The following GPA33 variants were observed in gnomAD, a reference collection of about 807,000 sequenced individuals.
GPA33 encodes the protein cell surface A33 antigen.
Under a neutral mutation model 35.6 loss-of-function variants are expected in GPA33, and 27 were observed. The ratio of observed to expected loss-of-function variants is 0.76; its 90% CI spans 0.56 to 1.04. The LOEUF is 1.04. GPA33 is among the 50% of genes least tolerant of loss of function. GPA33 has a pLI of 0.00. For synonymous variants in GPA33, 176 were observed against 164.0 expected (o/e 1.07, Z -0.56); for missense variants, 428 against 411.9 (o/e 1.04, Z -0.34).
chr1:167,056,521 C>T (rs565949388), intron 4 of GPA33, among the ~76,000 whole-genome samples: 40 of 44,984 alleles, frequency 8.9e-4, no homozygotes, highest in Non-Finnish European at 1.7e-3. Context: ...TGATGTGCAG[C>T]GTGTGTGTGC....
rs574694107 is a variant in GPA33, at chr1:167,065,762, G to A, written c.416-2025C>T. Among the ~76,000 whole-genome samples, 9 of 152,254 alleles carry A rather than the reference G, an allele frequency of 5.9e-5. No homozygotes were observed. The South Asian group carries it at 1.5e-3, about 25-fold the overall frequency. ...AGTGAGGGCTGGCCAGGTGTGGGGC[G>A]AGCATGAGGGAAATTAGAGGCCCTC... On this transcript the variant is annotated intron_variant, in intron 3 of 6. Coordinates refer to ENST00000367868, the MANE Select transcript of GPA33 (RefSeq NM_005814.3).
At chr1:167,080,798 T>A (rs924967393) in intron 1 of GPA33, among the ~76,000 whole-genome samples, 2 of 152,226 alleles carry the variant, frequency 1.3e-5, no homozygotes, top group African/African-American at 4.8e-5. Context: ...TTCATCTTCA[T>A]ATCCCTAGAG....
At chr1:167,057,595 C>A (rs4657625) in intron 4 of GPA33, among the ~76,000 whole-genome samples, 2 of 151,980 alleles carry the variant, frequency 1.3e-5, no homozygotes, top group Non-Finnish European at 2.9e-5. Context: ...ACCAGCTTTG[C>A]CTCTTGCCAC....
intron 5 of GPA33, 34 bp from the exon 6 acceptor site, chr1:167,055,145 C>G: frequency 6.2e-7 from 1 of 1,607,430 alleles, no homozygotes; most frequent in Non-Finnish European, 8.5e-7. Flanking sequence ...ACTTGCCGAG[C>G]TTCTAAGCTA....
chr1:167,083,284 G>A (rs1002833093), intron 1 of GPA33, among the ~76,000 whole-genome samples: 1 of 152,224 alleles, frequency 6.6e-6, no homozygotes. Flanking sequence ...AGGAATGTGA[G>A]ACAGGAACAT....
intron 1 of GPA33, among the ~76,000 whole-genome samples, chr1:167,083,270 G>A (rs547520592): frequency 4.2e-4 from 64 of 152,270 alleles, no homozygotes; most frequent in African/African-American, 1.5e-3. Context: ...ATCAAACCCA[G>A]GAAAGGAATG....
At position 167,077,118 on chromosome 1, in the gene GPA33, AT is replaced by A. The variant is rs1450301169; in HGVS notation, c.44-3580del. 2.0e-5 allele frequency among the ~76,000 whole-genome samples: 3 copies of A among 152,238 alleles called. No individual in the cohort carries two copies. In the East Asian group the frequency reaches 5.8e-4, roughly 29 times the overall value. The stretch of plus-strand genomic sequence containing the variant: ...CTACTCAGGAGGCTGAGGCAGGAGA[AT>A]CACTTGAAGCTGGGAGGTAGAGGCT... On this transcript the variant is annotated intron_variant, in intron 1 of 6. Transcript: ENST00000367868.
intron 1 of GPA33, chr1:167,082,186 A>G (rs1666962939): frequency 2.2e-6 from 1 of 451,218 alleles, no homozygotes; most frequent in Admixed American, 2.4e-5. Flanking sequence ...ACAGACAGAG[A>G]GAGAGAGAGA....
chr1:167,087,116 C>T (rs755388780), intron 1 of GPA33, among the ~76,000 whole-genome samples: 32 of 152,134 alleles, frequency 2.1e-4, no homozygotes, highest in Non-Finnish European at 1.2e-4. Context: ...TCTCTAACAG[C>T]CTTGTGGAGG....
In GPA33 at chr1:167,078,995, G is replaced by A. The variant is rs1056030704; in HGVS notation, c.44-5456C>T. ...TTGTCTCATACTCTGTTGTGGAGGT[G>A]CATCCTTGGTAGAAGTTAATCACAA... On this transcript the variant is annotated intron_variant, in intron 1 of 6. Coordinates refer to ENST00000367868, the MANE Select transcript of GPA33 (RefSeq NM_005814.3). 2.6e-5 allele frequency among the ~76,000 whole-genome samples: 4 copies of A among 152,256 alleles called. No homozygotes were observed. In the South Asian group the frequency reaches 8.3e-4, roughly 32 times the overall value.
At chr1:167,067,050 TTATGTTTATA>T (rs1323297509) in intron 3 of GPA33, among the ~76,000 whole-genome samples, 1 of 152,226 alleles carries the variant, frequency 6.6e-6, no homozygotes, top group Admixed American at 6.5e-5. Context: ...ATGTTTTTAT[TTATGTTTATA>T]TATGTTTATA....
intron 3 of GPA33, among the ~76,000 whole-genome samples, chr1:167,064,474 T>C (rs1349838243): frequency 6.6e-6 from 1 of 152,202 alleles, no homozygotes; most frequent in African/African-American, 2.4e-5. Flanking sequence ...AATTCATTTG[T>C]GCCATTTTGG....
In GPA33 at chr1:167,054,213, T is replaced by C. The variant is rs1666179155; in HGVS notation, c.*121A>G. The C allele has an allele frequency of 1.6e-6, 2 of 1,270,206 alleles. No homozygotes were observed. The highest frequency in any genetic ancestry group is 2.9e-5 in the African/African-American group (2 of 67,952). The allele number at this position is 1,270,206 out of a possible 1,614,324, so 78.7% of individuals were successfully genotyped here. Reference sequence around the variant, plus strand: ...CCCACAGCTGACACTGGGGAAGAAATGTCCCCATCAATGTCTGGGATGGAG... The same window carrying C: ...CCCACAGCTGACACTGGGGAAGAAACGTCCCCATCAATGTCTGGGATGGAG... On this transcript the variant is annotated 3_prime_UTR_variant, in exon 7 of 7. Transcript: ENST00000367868.
chr1:167,061,416 G>A (rs901845918), intron 4 of GPA33, among the ~76,000 whole-genome samples: 1 of 152,136 alleles, frequency 6.6e-6, no homozygotes, highest in Non-Finnish European at 1.5e-5. Flanking sequence ...ATAGGCCAGA[G>A]AGAGGAGGCC....
chr1:167,086,162 T>C (rs544198271), intron 1 of GPA33, among the ~76,000 whole-genome samples: 1 of 152,368 alleles, frequency 6.6e-6, no homozygotes, highest in East Asian at 1.9e-4. Flanking sequence ...ATGTGATTCA[T>C]TCCAGGTGCA....
chr1:167,055,428 T>C (rs1666219940), intron 5 of GPA33, among the ~76,000 whole-genome samples: 1 of 151,874 alleles, frequency 6.6e-6, no homozygotes. Context: ...CTGCGGCAGC[T>C]GCCCTGGGCA....
chr1:167,080,868 T>C (rs943767594), intron 1 of GPA33, among the ~76,000 whole-genome samples: 2 of 152,182 alleles, frequency 1.3e-5, no homozygotes, highest in South Asian at 4.1e-4. Context: ...AGCAAATGAA[T>C]GAATTATAGA....
In GPA33 at chr1:167,090,338, G is replaced by T. The variant is rs28384507; in HGVS notation, c.-51C>A. ...CCTAACCTGTCACTGGCAGCCTCCA[G>T]ACAGGTCTGAGCTGTCTGGTTAAAG... On this transcript the variant is annotated 5_prime_UTR_variant, in exon 1 of 7. It adds an upstream start codon to the 5' untranslated region. Coordinates refer to ENST00000367868, the MANE Select transcript of GPA33 (RefSeq NM_005814.3). 0.41 allele frequency: 623,815 copies of T among 1,504,108 alleles called. 133,336 individuals carry two copies. The highest frequency in any genetic ancestry group is 0.49 in the Middle Eastern group (2,870 of 5,852). 93.2% of individuals were successfully genotyped at this position (1,504,108 alleles called of 1,614,324 possible).
chr1:167,070,314 C>G (rs1236111235), intron 2 of GPA33, among the ~76,000 whole-genome samples: 1 of 152,158 alleles, frequency 6.6e-6, no homozygotes, highest in African/African-American at 2.4e-5. Context: ...AAGATCATAG[C>G]TGCTATTTAT....
Sources: gnomAD v4.1 joint callset for allele counts (sites outside exome capture counted in the v4.1 genomes callset) on GRCh38, gnomAD v4.1.1 for gene constraint, MANE v1.5 for transcripts, NCBI Gene and HGNC (gene_info 2026-07-23, HGNC 2026-07-21) for gene names.